The following FGF12 variants were observed in gnomAD, a reference collection of about 807,000 sequenced individuals.
FGF12 encodes the protein fibroblast growth factor 12B.
In FGF12, 14 loss-of-function variants were observed where a neutral mutation model predicts 23.6. That is an observed-to-expected ratio of 0.59 (90% CI 0.39 to 0.93). The LOEUF (loss-of-function observed/expected upper bound fraction) is 0.93. Ranked by LOEUF, FGF12 falls within the 40% of genes least tolerant of loss-of-function variation. The pLI, the probability that FGF12 is intolerant of heterozygous loss-of-function variation, is 0.00. For missense variants in FGF12, 175 were observed against 217.8 expected, an observed-to-expected ratio of 0.80 and a Z score of 1.24; for synonymous variants, 62 against 77.3, an observed-to-expected ratio of 0.80 and a Z score of 1.04.
intron 2 of FGF12, among the ~76,000 whole-genome samples, chr3:192,407,723 T>TAATGAATG (rs1553809115): frequency 6.8e-6 from 1 of 147,498 alleles, no homozygotes; most frequent in Admixed American, 6.7e-5. Flanking sequence ...ATGAATGAAT[T>TAATGAATG]AATGAATGAA....
At chr3:192,341,431 T>C (rs1020824256) in intron 3 of FGF12, among the ~76,000 whole-genome samples, 5 of 152,192 alleles carry the variant, frequency 3.3e-5, no homozygotes, top group Admixed American at 2.6e-4. Flanking sequence ...ATAGACTTGC[T>C]GCTATCAGGC....
At position 192,514,748 on chromosome 3, in the gene FGF12, G is replaced by C; in HGVS notation, c.14-154210C>G. 1 of 985,422 alleles carries C rather than the reference G, an allele frequency of 1.0e-6. No homozygotes were observed. The highest frequency in any genetic ancestry group is 1.2e-6 in the Non-Finnish European group (1 of 829,918). 61.0% of individuals were successfully genotyped at this position (985,422 alleles called of 1,614,324 possible). ...ACTCCTTTCTTCAGAGAAAGCTCAA[G>C]AATCTTCATGGAGAAGCGCGTGTGT... On this transcript the variant is annotated intron_variant, in intron 2 of 5. Coordinates refer to ENST00000445105, the MANE Select transcript of FGF12 (RefSeq NM_004113.6). This position sits in a 1 kb window ranked among gnomAD's most constrained non-coding sequence, Gnocchi z 4.9.
intron 2 of FGF12, among the ~76,000 whole-genome samples, chr3:192,703,687 TA>T (rs1246323710): frequency 6.6e-6 from 1 of 152,184 alleles, no homozygotes; most frequent in African/African-American, 2.4e-5. Flanking sequence ...ATCTCATCAG[TA>T]ATTTTAATCC....
At chr3:192,241,132 T>G (rs1719596721) in intron 4 of FGF12, among the ~76,000 whole-genome samples, 1 of 152,210 alleles carries the variant, frequency 6.6e-6, no homozygotes, top group Admixed American at 6.5e-5. Flanking sequence ...CAGGGAATAC[T>G]ATTCCCATGA....
intron 2 of FGF12, among the ~76,000 whole-genome samples, chr3:192,400,984 A>G (rs1720737254): frequency 6.6e-6 from 1 of 152,186 alleles, no homozygotes; most frequent in South Asian, 2.1e-4. Flanking sequence ...AGTATTGAGT[A>G]CCCCGAAGAG....
chr3:192,578,539 C>T (rs1001152225), intron 2 of FGF12, among the ~76,000 whole-genome samples: 7 of 152,178 alleles, frequency 4.6e-5, no homozygotes, highest in South Asian at 2.1e-4. Flanking sequence ...GCAGTTTTGC[C>T]TCTCAGATTA....
intron 2 of FGF12, among the ~76,000 whole-genome samples, chr3:192,481,987 C>T (rs1238179687): frequency 6.6e-6 from 1 of 152,140 alleles, no homozygotes; most frequent in Non-Finnish European, 1.5e-5. Flanking sequence ...AGAAGAGTCA[C>T]ATGAAGAAGA....
At chr3:192,288,461 A>C (rs1714579028) in intron 4 of FGF12, among the ~76,000 whole-genome samples, 2 of 151,996 alleles carry the variant, frequency 1.3e-5, no homozygotes, top group African/African-American at 2.4e-5. Flanking sequence ...AATTTTTTTA[A>C]TTTTTACTAA....
At chr3:192,333,010 G>A (rs1231568740) in intron 4 of FGF12, among the ~76,000 whole-genome samples, 2 of 151,982 alleles carry the variant, frequency 1.3e-5, no homozygotes, top group African/African-American at 4.8e-5. Flanking sequence ...TACCCCAATA[G>A]GTTTACAAAG....
intron 2 of FGF12, among the ~76,000 whole-genome samples, chr3:192,465,225 A>C (rs891202958): frequency 6.6e-6 from 1 of 152,186 alleles, no homozygotes; most frequent in Non-Finnish European, 1.5e-5. Context: ...AAACTTCTCT[A>C]TGTTTGAGTC....
At chr3:192,309,159 A>G (rs1459484799) in intron 4 of FGF12, among the ~76,000 whole-genome samples, 5 of 152,226 alleles carry the variant, frequency 3.3e-5, no homozygotes, top group Non-Finnish European at 5.9e-5. Flanking sequence ...TAACATGCAG[A>G]GTGCAAAGGA....
At position 192,139,847 on chromosome 3, in the gene FGF12, G is replaced by A. The variant is rs1577163800; in HGVS notation, c.*4162C>T. On this transcript the variant is annotated 3_prime_UTR_variant, in exon 6 of 6. Coordinates refer to ENST00000445105, the MANE Select transcript of FGF12 (RefSeq NM_004113.6). The stretch of plus-strand genomic sequence containing the variant: ...GAAAAATCCTGAAAAAGAAAGATCA[G>A]CATCTAGCATCCTTTTCCTATTCTT... 6.6e-6 allele frequency: 1 copy of A among 151,988 alleles called. No individual in the cohort carries two copies. Among genetic ancestry groups the A allele is most frequent in the African/African-American group, 2.4e-5 (1 of 41,408 alleles). The allele number at this position is 151,988 out of a possible 1,614,324, so 9.4% of individuals were successfully genotyped here. A position where few individuals can be genotyped will look rare whatever the true frequency, so the allele number is the denominator to read the frequency against.
chr3:192,471,211 G>A (rs1485826073), intron 2 of FGF12, among the ~76,000 whole-genome samples: 1 of 152,154 alleles, frequency 6.6e-6, no homozygotes, highest in African/African-American at 2.4e-5. Flanking sequence ...TCTTGGGAAT[G>A]TTTTATTCAG....
chr3:192,341,646 T>C (rs527370890), intron 3 of FGF12, among the ~76,000 whole-genome samples: 1 of 152,244 alleles, frequency 6.6e-6, no homozygotes, highest in East Asian at 1.9e-4. Flanking sequence ...ATCATTCTCA[T>C]ATTGAAATTT....
chr3:192,596,876 T>C (rs1713880235), intron 2 of FGF12, among the ~76,000 whole-genome samples: 2 of 152,294 alleles, frequency 1.3e-5, no homozygotes, highest in South Asian at 2.1e-4. Flanking sequence ...GCTGCTAAAC[T>C]TTCTGGAATT....
intron 2 of FGF12, among the ~76,000 whole-genome samples, chr3:192,527,667 TA>T (rs1724984047): frequency 6.6e-6 from 1 of 152,236 alleles, no homozygotes; most frequent in African/African-American, 2.4e-5. Context: ...TTTTCATTTT[TA>T]TTTTTTTATT....
chr3:192,564,416 C>G (rs1418365713), intron 2 of FGF12, among the ~76,000 whole-genome samples: 1 of 152,120 alleles, frequency 6.6e-6, no homozygotes, highest in Non-Finnish European at 1.5e-5. Flanking sequence ...CTCCACTTAC[C>G]TCAGGGATTA....
chr3:192,518,971 TATC>T (rs1011263477), intron 2 of FGF12, among the ~76,000 whole-genome samples: 7 of 152,156 alleles, frequency 4.6e-5, no homozygotes, highest in African/African-American at 1.4e-4. Context: ...CAAACTTTTT[TATC>T]ATAAGTTTCC....
intron 3 of FGF12, among the ~76,000 whole-genome samples, chr3:192,346,349 C>T (rs1244670584): frequency 2.0e-5 from 3 of 152,148 alleles, no homozygotes; most frequent in African/African-American, 7.2e-5. Context: ...TTCTCCACTT[C>T]CTGATTTTGT....
Sources: gnomAD v4.1 joint callset for allele counts (sites outside exome capture counted in the v4.1 genomes callset) on GRCh38, gnomAD v4.1.1 for gene constraint, Gnocchi (gnomAD v3.1) non-coding constraint, MANE v1.5 for transcripts, NCBI Gene and HGNC (gene_info 2026-07-23, HGNC 2026-07-21) for gene names.